Variants in PTP4A1 observed in about 807,000 individuals in gnomAD.
PTP4A1 encodes protein tyrosine phosphatase 4A1.
In PTP4A1, 9 loss-of-function variants were observed where a neutral mutation model predicts 20.5. The observed-to-expected ratio is 0.44, with a 90% CI of 0.26 to 0.77. The LOEUF is 0.77. Ranked by LOEUF, PTP4A1 falls within the 30% of genes least tolerant of loss-of-function variation. The pLI is 0.19. For missense variants in PTP4A1, 137 were observed against 218.8 expected (o/e 0.63, Z 2.36); for synonymous variants, 78 against 67.4 (o/e 1.16, Z -0.77).
chr6:63,525,023 A>T (rs193183663), intron 1 of PTP4A1, among the ~76,000 whole-genome samples: 7 of 152,302 alleles, frequency 4.6e-5, no homozygotes, highest in Admixed American at 2.0e-4. Flanking sequence ...CCTTGTTCTA[A>T]CTTGATTCAG....
chr6:63,577,855 A>G (rs1561915343), intron 2 of PTP4A1, among the ~76,000 whole-genome samples: 1 of 149,486 alleles, frequency 6.7e-6, no homozygotes, highest in African/African-American at 2.4e-5. Context: ...TATATTATAT[A>G]TACACTAATA....
intron 2 of PTP4A1, among the ~76,000 whole-genome samples, chr6:63,532,160 A>G (rs1775501429): frequency 6.6e-6 from 1 of 152,238 alleles, no homozygotes; most frequent in Admixed American, 6.5e-5. Context: ...TAAAGAAAAA[A>G]TTAGAAATAA....
chr6:63,556,312 T>A (rs904036346), intron 3 of PTP4A1, among the ~76,000 whole-genome samples: 1 of 151,830 alleles, frequency 6.6e-6, no homozygotes, highest in African/African-American at 2.4e-5. Flanking sequence ...GTGTATAACA[T>A]CAAACTTGGT....
At chr6:63,519,212 C>A (rs375672205), upstream of PTP4A1, among the ~76,000 whole-genome samples, 1 of 151,752 alleles carries the variant, frequency 6.6e-6, no homozygotes, top group Non-Finnish European at 1.5e-5. Flanking sequence ...AAGGCTGTGG[C>A]GGGAGAATCA....
At chr6:63,521,964 T>C (rs1449733507) in intron 1 of PTP4A1, 2 of 152,352 alleles carry the variant, frequency 1.3e-5, no homozygotes, top group Admixed American at 6.5e-5. Context: ...AGTTCTGATC[T>C]GTTCAAGGGC....
upstream of PTP4A1, among the ~76,000 whole-genome samples, chr6:63,520,084 A>T (rs1774866528): frequency 6.6e-6 from 1 of 152,250 alleles, no homozygotes. Flanking sequence ...TTGCGAGAAC[A>T]TAATTATCAA....
chr6:63,578,320 T>G, intron 2 of PTP4A1, 117 bp from the exon 3 acceptor site: 1 of 1,220,760 alleles, frequency 8.2e-7, no homozygotes, highest in Non-Finnish European at 1.1e-6. Flanking sequence ...CTAGCATTCT[T>G]TAAATGATCT....
At chr6:63,524,008 G>A (rs942532209) in intron 1 of PTP4A1, among the ~76,000 whole-genome samples, 7 of 151,744 alleles carry the variant, frequency 4.6e-5, no homozygotes, top group African/African-American at 1.7e-4. Context: ...TCTGGAGACA[G>A]TCTTGCTCTG....
At chr6:63,543,668 A>G (rs2149485358) in intron 2 of PTP4A1, among the ~76,000 whole-genome samples, 1 of 152,308 alleles carries the variant, frequency 6.6e-6, no homozygotes, top group Middle Eastern at 3.4e-3. Context: ...TTGGTTCCCC[A>G]GTCAAGAGCC....
intron 2 of PTP4A1, among the ~76,000 whole-genome samples, chr6:63,532,095 G>T (rs1459451930): frequency 6.6e-6 from 1 of 151,902 alleles, no homozygotes; most frequent in Non-Finnish European, 1.5e-5. Context: ...CACCACGCCC[G>T]GTCAACCACA....
chr6:63,516,533 A>G, the PTP4A1 span, among the ~76,000 whole-genome samples: 1 of 152,198 alleles, frequency 6.6e-6, no homozygotes, highest in Non-Finnish European at 1.5e-5. Flanking sequence ...TAGTAAGTCC[A>G]TTTAACTTCT....
chr6:63,578,833 T>G, intron 3 of PTP4A1, 65 bp from the exon 4 acceptor site: 1 of 1,355,988 alleles, frequency 7.4e-7, no homozygotes, highest in Non-Finnish European at 9.8e-7. Context: ...ATGTTAGAAA[T>G]TTAGAATTAT....
At chr6:63,533,173 C>T (rs1261048671) in intron 2 of PTP4A1, among the ~76,000 whole-genome samples, 4 of 152,088 alleles carry the variant, frequency 2.6e-5, no homozygotes, top group South Asian at 4.1e-4. Context: ...CTTGAGGTCA[C>T]GAGTTCAATA....
At chr6:63,572,469 G>A, upstream of PTP4A1, 1 of 386,882 alleles carries the variant, frequency 2.6e-6, no homozygotes. Context: ...GAGGGCTTGT[G>A]ACGCAAGGGC....
At position 63,583,002 on chromosome 6, in the gene PTP4A1, A is replaced by G. The variant is rs1249492062; in HGVS notation, c.*2828A>G. 6.6e-6 allele frequency: 1 copy of G among 152,162 alleles called. No homozygotes were observed. Among genetic ancestry groups the G allele is most frequent in the Non-Finnish European group, 1.5e-5 (1 of 68,030 alleles). The allele number at this position is 152,162 out of a possible 1,614,324, so 9.4% of individuals were successfully genotyped here. A position where few individuals can be genotyped will look rare whatever the true frequency, so the allele number is the denominator to read the frequency against. ...TTGAAATTTATTTTTTTAATGTCAT[A>G]TTCATCTGGTAAATATCTACTGTTT... is the stretch of plus-strand genomic sequence containing the variant. On this transcript the variant is annotated 3_prime_UTR_variant, in exon 6 of 6. Transcript: ENST00000626021.
intron 2 of PTP4A1, among the ~76,000 whole-genome samples, chr6:63,546,426 C>G (rs1012305307): frequency 6.6e-6 from 1 of 152,170 alleles, no homozygotes; most frequent in Non-Finnish European, 1.5e-5. Context: ...CAACATTTGG[C>G]CGGGTGCGGT....
intron 2 of PTP4A1, among the ~76,000 whole-genome samples, chr6:63,535,598 T>C (rs1775683155): frequency 6.6e-6 from 1 of 152,230 alleles, no homozygotes; most frequent in Admixed American, 6.5e-5. Flanking sequence ...CTTTCAGGGA[T>C]AATATGAGGT....
chr6:63,522,236 G>A (rs375928384), intron 1 of PTP4A1, among the ~76,000 whole-genome samples: 15 of 152,082 alleles, frequency 9.9e-5, no homozygotes, highest in East Asian at 7.7e-4. Context: ...TACAATATAT[G>A]GCAAATTTTA....
At chr6:63,562,916 CAGCACCAT>C (rs1387670499) in intron 3 of PTP4A1, among the ~76,000 whole-genome samples, 3 of 152,204 alleles carry the variant, frequency 2.0e-5, no homozygotes, top group Non-Finnish European at 2.9e-5. Flanking sequence ...CCTATACATT[CAGCACCAT>C]AGCATAAAAC....
Sources: allele counts gnomAD v4.1 joint callset (sites outside exome capture counted in the v4.1 genomes callset), GRCh38; gene constraint gnomAD v4.1.1; transcripts MANE v1.5; gene names NCBI Gene and HGNC (gene_info 2026-07-23, HGNC 2026-07-21).